ZNF407: variants seen among roughly 807,000 people sequenced by gnomAD.
The protein encoded by ZNF407 is zinc finger protein 407.
ZNF407 carries 17 observed loss-of-function variants against 131.2 expected under a neutral mutation model. The ratio of observed to expected loss-of-function variants is 0.13; its 90% CI spans 0.09 to 0.19. ZNF407 has a LOEUF of 0.19. Among genes scored for constraint, ZNF407 ranks in the 10% least tolerant of loss-of-function variants. ZNF407 has a pLI of 1.00. For missense variants in ZNF407, 2,681 were observed against 2,830.6 expected, an observed-to-expected ratio of 0.95 and a Z score of 1.20; for synonymous variants, 1,156 against 1,062.0, an observed-to-expected ratio of 1.09 and a Z score of -1.72.
At chr18:74,834,572 G>A (rs1040597621) in intron 4 of ZNF407, among the ~76,000 whole-genome samples, 3 of 152,130 alleles carry the variant, frequency 2.0e-5, no homozygotes, top group Admixed American at 1.3e-4. Context: ...GTCTTTCTTT[G>A]TCTTGCCAGG....
intron 3 of ZNF407, among the ~76,000 whole-genome samples, chr18:74,735,846 A>G (rs1292717142): frequency 6.6e-6 from 1 of 152,222 alleles, no homozygotes; most frequent in Non-Finnish European, 1.5e-5. Flanking sequence ...TTTGAAAACA[A>G]TAACAGAAAA....
At chr18:74,850,565 A>C (rs1217323760) in intron 4 of ZNF407, among the ~76,000 whole-genome samples, 1 of 152,126 alleles carries the variant, frequency 6.6e-6, no homozygotes, top group African/African-American at 2.4e-5. Context: ...GAATATTTTT[A>C]TTTCTTAAAT....
At chr18:75,045,046 G>A (rs940352474) in intron 8 of ZNF407, among the ~76,000 whole-genome samples, 16 of 150,360 alleles carry the variant, frequency 1.1e-4, no homozygotes, top group Non-Finnish European at 1.9e-4. Flanking sequence ...AGCTTGATTG[G>A]GAAAAATCTG....
chr18:74,600,013 C>G (rs915920717), intron 1 of ZNF407, among the ~76,000 whole-genome samples: 3 of 152,096 alleles, frequency 2.0e-5, no homozygotes, highest in Non-Finnish European at 4.4e-5. Flanking sequence ...AAACATTTAC[C>G]GCATGCTTGC....
intron 3 of ZNF407, among the ~76,000 whole-genome samples, chr18:74,704,347 A>G (rs1208262758): frequency 2.0e-5 from 3 of 152,132 alleles, no homozygotes; most frequent in Non-Finnish European, 4.4e-5. Context: ...AGAGCACTTC[A>G]CTCAATCAGG....
chr18:74,881,756 G>A (rs1049275647), intron 6 of ZNF407, among the ~76,000 whole-genome samples: 1 of 152,146 alleles, frequency 6.6e-6, no homozygotes. Context: ...TGCATTCTTG[G>A]TGATTCATTG....
chr18:74,848,568 CAAAG>C (rs1294828424), intron 4 of ZNF407, among the ~76,000 whole-genome samples: 2 of 152,046 alleles, frequency 1.3e-5, no homozygotes, highest in East Asian at 3.9e-4. Flanking sequence ...TAAAATATAA[CAAAG>C]AAACAGAATG....
At chr18:74,614,532 T>A (rs1315761933) in intron 1 of ZNF407, among the ~76,000 whole-genome samples, 1 of 152,214 alleles carries the variant, frequency 6.6e-6, no homozygotes, top group Non-Finnish European at 1.5e-5. Context: ...TAAATTTGCA[T>A]TCAGTGGATA....
intron 4 of ZNF407, among the ~76,000 whole-genome samples, chr18:74,831,904 G>GC (rs879756537): frequency 2.6e-5 from 4 of 152,152 alleles, no homozygotes; most frequent in Non-Finnish European, 4.4e-5. Flanking sequence ...GTGGCCCTGG[G>GC]CACAGTTACT....
intron 8 of ZNF407, among the ~76,000 whole-genome samples, chr18:75,029,627 G>A (rs1599302099): frequency 6.6e-6 from 1 of 152,178 alleles, no homozygotes; most frequent in South Asian, 2.1e-4. Flanking sequence ...CTGGGTGTGC[G>A]TGGGTGTGCG....
chr18:74,653,785 CTT>C (rs1186297417), intron 3 of ZNF407, among the ~76,000 whole-genome samples: 1 of 151,752 alleles, frequency 6.6e-6, no homozygotes. Flanking sequence ...ATTATGCACA[CTT>C]AGTGTTTCCT....
chr18:75,037,427 G>A (rs1973321652), intron 8 of ZNF407, among the ~76,000 whole-genome samples: 1 of 151,624 alleles, frequency 6.6e-6, no homozygotes, highest in South Asian at 2.1e-4. Context: ...GAAAGATGAA[G>A]AAAAAAACTT....
intron 3 of ZNF407, among the ~76,000 whole-genome samples, chr18:74,650,807 G>A (rs894649578): frequency 6.6e-6 from 1 of 152,164 alleles, no homozygotes; most frequent in African/African-American, 2.4e-5. Flanking sequence ...TGTCATAACA[G>A]TTTCACTGTA....
In ZNF407 at chr18:75,064,355, G is replaced by A. The variant is rs373224703; in HGVS notation, c.6634G>A (p.Ala2212Thr). The A allele has an allele frequency of 6.4e-5, 101 of 1,586,038 alleles. No individual in the cohort carries two copies. Among genetic ancestry groups the A allele is most frequent in the Non-Finnish European group, 1.0e-5 (12 of 1,167,122 alleles). The change falls in exon 9 of 9, where the codon GCC (alanine) becomes ACC (threonine). Residue 2212 changes from alanine to threonine, a missense_variant. Physicochemically the swap from Ala to Thr is moderately conservative, Grantham distance 58 (BLOSUM62 0). Around this residue, in one of 6 missense-constraint regions of ZNF407, gnomAD observed 620 missense variants for 583.1 expected, o/e 1.06. Coordinates refer to ENST00000299687, the MANE Select transcript of ZNF407 (RefSeq NM_017757.3). Reference protein sequence around the residue: ...AGATLGTEAGAPSRAEQLASV... With the variant: ...AGATLGTEAGTPSRAEQLASV... ...GGCCACGCTAGGCACAGAGGCCGGG[G>A]CCCCAAGCAGGGCAGAGCAGCTGGC...
Position 74,676,588 on chromosome 18 carries a change from C to T in ZNF407, c.4802+35466C>T, listed in dbSNP as rs555269067. The stretch of plus-strand genomic sequence containing the variant: ...AGTAGCTGGGACTACAGGCGCCCAC[C>T]ACCGTGCCCGGGTAATTTTGTATTT... On this transcript the variant is annotated intron_variant, in intron 3 of 8. Coordinates refer to ENST00000299687, the MANE Select transcript of ZNF407 (RefSeq NM_017757.3). 7.3e-4 allele frequency among the ~76,000 whole-genome samples: 109 copies of T among 150,020 alleles called. 1 individual carries two copies. Among genetic ancestry groups the T allele is most frequent in the Non-Finnish European group, 1.2e-3 (84 of 67,510 alleles).
intron 3 of ZNF407, among the ~76,000 whole-genome samples, chr18:74,718,395 G>A (rs945251870): frequency 1.3e-5 from 2 of 151,802 alleles, no homozygotes; most frequent in Non-Finnish European, 2.9e-5. Flanking sequence ...GTGCTGGTGC[G>A]TGCCTATAGT....
At chr18:74,930,805 AC>A (rs1971974709) in intron 8 of ZNF407, among the ~76,000 whole-genome samples, 1 of 152,160 alleles carries the variant, frequency 6.6e-6, no homozygotes, top group South Asian at 2.1e-4. Flanking sequence ...TTCAGGCACC[AC>A]AGTGTTCTGT....
chr18:74,730,766 T>A (rs922354417), intron 3 of ZNF407, among the ~76,000 whole-genome samples: 1 of 152,208 alleles, frequency 6.6e-6, no homozygotes, highest in African/African-American at 2.4e-5. Flanking sequence ...GCTATAGGAT[T>A]ATAGAAAGAA....
At chr18:74,982,706 A>G (rs918989146) in intron 8 of ZNF407, among the ~76,000 whole-genome samples, 7 of 152,232 alleles carry the variant, frequency 4.6e-5, no homozygotes, top group African/African-American at 1.4e-4. Flanking sequence ...GTAGATAGAT[A>G]AAAATATTGT....
Sources: allele counts gnomAD v4.1 joint callset (sites outside exome capture counted in the v4.1 genomes callset), GRCh38; gene constraint gnomAD v4.1.1; regional missense constraint gnomAD v4.1.1; transcripts MANE v1.5; gene names NCBI Gene and HGNC (gene_info 2026-07-23, HGNC 2026-07-21).